CAST: variants seen among roughly 807,000 people sequenced by gnomAD.
CAST encodes the protein calpastatin.
Under a neutral mutation model 119.6 loss-of-function variants are expected in CAST, and 76 were observed. The observed-to-expected ratio is 0.64, with a 90% CI of 0.53 to 0.77. The LOEUF (loss-of-function observed/expected upper bound fraction) is 0.77, where lower values mean the gene tolerates loss of function less well. CAST is among the 30% of genes least tolerant of loss of function. The pLI, the probability that CAST is intolerant of heterozygous loss-of-function variation, is 0.00. For synonymous variants in CAST, 319 were observed against 331.6 expected (o/e 0.96, Z 0.41); for missense variants, 953 against 946.5 (o/e 1.01, Z -0.09).
At chr5:96,006,745 G>T in the CAST span, among the ~76,000 whole-genome samples, 5 of 152,196 alleles carry the variant, frequency 3.3e-5, no homozygotes, top group Admixed American at 3.3e-4. Flanking sequence ...AAACCACGGC[G>T]AATGTACAGT....
At chr5:96,509,601 G>A in the CAST span, among the ~76,000 whole-genome samples, 6 of 152,034 alleles carry the variant, frequency 3.9e-5, no homozygotes, top group African/African-American at 1.4e-4. Flanking sequence ...GCATGGAGGG[G>A]AATAACCTGG....
At chr5:96,590,158 C>T (rs1000064054) in intron 1 of CAST, among the ~76,000 whole-genome samples, 11 of 152,286 alleles carry the variant, frequency 7.2e-5, no homozygotes, top group Middle Eastern at 3.4e-3. Flanking sequence ...TCATCCAGTT[C>T]CTTATTACAA....
the CAST span, among the ~76,000 whole-genome samples, chr5:96,251,045 C>T: frequency 6.6e-6 from 1 of 152,174 alleles, no homozygotes; most frequent in Non-Finnish European, 1.5e-5. Context: ...CAGAGAAGCC[C>T]TTACTTGGGC....
the CAST span, among the ~76,000 whole-genome samples, chr5:96,420,462 G>A: frequency 1.3e-5 from 2 of 152,144 alleles, no homozygotes; most frequent in Non-Finnish European, 2.9e-5. Flanking sequence ...TTACTGGAAT[G>A]TTTTCACCTC....
At chr5:96,368,795 A>G in the CAST span, among the ~76,000 whole-genome samples, 1 of 152,104 alleles carries the variant, frequency 6.6e-6, no homozygotes, top group Non-Finnish European at 1.5e-5. Flanking sequence ...TTTGCAAAGT[A>G]ATGTTTTTGA....
the CAST span, chr5:96,399,875 A>T: frequency 8.6e-7 from 1 of 1,156,772 alleles, no homozygotes; most frequent in Non-Finnish European, 1.3e-6. Flanking sequence ...GATACAAAAA[A>T]ATCAGGCAGA....
At chr5:96,403,219 A>T in the CAST span, among the ~76,000 whole-genome samples, 1 of 152,138 alleles carries the variant, frequency 6.6e-6, no homozygotes, top group East Asian at 1.9e-4. Context: ...TCTCTGCAAA[A>T]TATTAAGGAG....
upstream of CAST, among the ~76,000 whole-genome samples, chr5:96,658,933 C>A (rs1030016259): frequency 6.6e-6 from 1 of 152,212 alleles, no homozygotes; most frequent in Non-Finnish European, 1.5e-5. Context: ...CAATCTCCAG[C>A]AAATGCGATG....
At chr5:96,266,257 A>C in the CAST span, among the ~76,000 whole-genome samples, 137 of 152,168 alleles carry the variant, frequency 9.0e-4, no homozygotes, top group Admixed American at 4.1e-3. Context: ...AGAGTGATTA[A>C]AAATTTCCCC....
chr5:96,523,442 C>T (rs1262357706), upstream of CAST, among the ~76,000 whole-genome samples: 3 of 152,176 alleles, frequency 2.0e-5, no homozygotes, highest in Non-Finnish European at 4.4e-5. Flanking sequence ...CTAAGTGCCA[C>T]ATGTTCAGTA....
At chr5:96,618,985 T>C (rs567395901) in intron 1 of CAST, among the ~76,000 whole-genome samples, 2 of 152,338 alleles carry the variant, frequency 1.3e-5, no homozygotes, top group Admixed American at 1.3e-4. Context: ...AATGCACCAA[T>C]CAGCACTCTG....
chr5:96,620,076 G>A (rs998951172), intron 1 of CAST, among the ~76,000 whole-genome samples: 12 of 152,348 alleles, frequency 7.9e-5, no homozygotes, highest in African/African-American at 2.9e-4. Context: ...CAGGCAGTAA[G>A]GAGAATGGCA....
At chr5:96,571,563 A>G (rs1183562627) in intron 1 of CAST, among the ~76,000 whole-genome samples, 1 of 152,210 alleles carries the variant, frequency 6.6e-6, no homozygotes, top group Non-Finnish European at 1.5e-5. Flanking sequence ...TGAACCGACC[A>G]TTGAATGGAG....
the CAST span, among the ~76,000 whole-genome samples, chr5:96,388,408 T>G: frequency 6.6e-6 from 1 of 152,202 alleles, no homozygotes; most frequent in Admixed American, 6.5e-5. Context: ...GAAACCAGGC[T>G]TAAGGGGCAG....
intron 1 of CAST, chr5:96,662,927 C>A: frequency 1.7e-6 from 1 of 590,384 alleles, no homozygotes; most frequent in Non-Finnish European, 3.0e-6. Context: ...TAACCAGCCT[C>A]GAGCCAAATT....
intron 16 of CAST, among the ~76,000 whole-genome samples, chr5:96,745,769 TA>T (rs1160638657): frequency 6.6e-6 from 1 of 152,194 alleles, no homozygotes; most frequent in African/African-American, 2.4e-5. Flanking sequence ...AGAGTCCTTT[TA>T]AAAGAGGTAA....
At chr5:96,043,111 T>G in the CAST span, among the ~76,000 whole-genome samples, 1 of 152,190 alleles carries the variant, frequency 6.6e-6, no homozygotes, top group Non-Finnish European at 1.5e-5. Flanking sequence ...ATCTGAAAAT[T>G]TTGGCTTACC....
In CAST at chr5:96,662,433, C is replaced by A; in HGVS notation, c.11C>A (p.Pro4His). The A allele has an allele frequency of 6.9e-7, 1 of 1,447,852 alleles. No individual in the cohort carries two copies. The highest frequency in any genetic ancestry group is 1.4e-5 in the South Asian group (1 of 73,562). The allele number at this position is 1,447,852 out of a possible 1,614,324, so 89.7% of individuals were successfully genotyped here. A position where few individuals can be genotyped will look rare whatever the true frequency, so the allele number is the denominator to read the frequency against. ...CGCAGCGGCCTCGCCATGTCCCAGC[C>A]CGGCCAGAAGCCCGCCGCCTCCCCG... The part of the protein sequence containing the change: MSQ[P>H]GQKPAASPRP... The change falls in exon 1 of 32, where the codon CCC becomes CAC. Residue 4 changes from proline to histidine, a missense_variant. Physicochemically the swap from Pro to His is moderately conservative, Grantham distance 77 (BLOSUM62 -2). Coordinates refer to ENST00000675179, the MANE Select transcript of CAST (RefSeq NM_001750.7).
the CAST span, among the ~76,000 whole-genome samples, chr5:96,252,031 C>T: frequency 6.6e-6 from 1 of 152,150 alleles, no homozygotes; most frequent in Non-Finnish European, 1.5e-5. Flanking sequence ...TAAGGCCACA[C>T]TCTAGGAATA....
Sources: gnomAD v4.1 joint callset for allele counts (sites outside exome capture counted in the v4.1 genomes callset) on GRCh38, gnomAD v4.1.1 for gene constraint, MANE v1.5 for transcripts, NCBI Gene and HGNC (gene_info 2026-07-23, HGNC 2026-07-21) for gene names.